The following DPY19L1 variants were observed in gnomAD, a reference collection of about 807,000 sequenced individuals.
DPY19L1 encodes the protein protein C-mannosyl-transferase DPY19L1.
Under a neutral mutation model 96.9 loss-of-function variants are expected in DPY19L1, and 35 were observed. The ratio of observed to expected loss-of-function variants is 0.36; its 90% CI spans 0.28 to 0.48. The LOEUF is 0.48. Among genes scored for constraint, DPY19L1 ranks in the 20% least tolerant of loss-of-function variants. The probability of loss-of-function intolerance (pLI) is 0.99; values close to 1 mark genes in which losing one functional copy is unlikely to be tolerated. For missense variants in DPY19L1, 521 were observed against 777.9 expected, an observed-to-expected ratio of 0.67 and a Z score of 3.93; for synonymous variants, 205 against 252.6, an observed-to-expected ratio of 0.81 and a Z score of 1.79.
intron 3 of DPY19L1, among the ~76,000 whole-genome samples, chr7:35,014,761 T>C (rs541535804): frequency 6.6e-6 from 1 of 152,336 alleles, no homozygotes; most frequent in South Asian, 2.1e-4. Flanking sequence ...GGAAATGGGA[T>C]TCTTGCAGAC....
intron 3 of DPY19L1, among the ~76,000 whole-genome samples, chr7:35,014,134 T>C (rs920595381): frequency 6.6e-6 from 1 of 152,182 alleles, no homozygotes; most frequent in Non-Finnish European, 1.5e-5. Context: ...AAAATGACAC[T>C]ATCAGTCATT....
At chr7:34,984,068 G>T (rs1039166306) in intron 7 of DPY19L1, among the ~76,000 whole-genome samples, 1 of 152,182 alleles carries the variant, frequency 6.6e-6, no homozygotes, top group African/African-American at 2.4e-5. Context: ...GAAAGGGAAA[G>T]CTATCAACCT....
At chr7:34,976,332 A>C (rs1784829346) in intron 7 of DPY19L1, among the ~76,000 whole-genome samples, 1 of 152,198 alleles carries the variant, frequency 6.6e-6, no homozygotes, top group Admixed American at 6.5e-5. Context: ...TGGCAAGATA[A>C]CTAGAAATGG....
chr7:34,956,266 C>T (rs183310913), intron 11 of DPY19L1, among the ~76,000 whole-genome samples: 1 of 152,242 alleles, frequency 6.6e-6, no homozygotes, highest in Non-Finnish European at 1.5e-5. Context: ...GATAGCAGTA[C>T]ATGAGAAAAT....
chr7:34,937,879 T>C, intron 21 of DPY19L1, 115 bp downstream of exon 21: 1 of 1,110,552 alleles, frequency 9.0e-7, no homozygotes, highest in Non-Finnish European at 1.3e-6. Context: ...AAGAAGTTTT[T>C]CCATGTATAC....
chr7:35,028,076 G>A (rs1457404780), intron 1 of DPY19L1, among the ~76,000 whole-genome samples: 3 of 152,138 alleles, frequency 2.0e-5, no homozygotes, highest in African/African-American at 7.2e-5. Flanking sequence ...GCAGTTTAGA[G>A]AGCCCTTTCA....
At chr7:34,993,140 A>T (rs1188185062) in intron 6 of DPY19L1, among the ~76,000 whole-genome samples, 2 of 152,198 alleles carry the variant, frequency 1.3e-5, no homozygotes, top group African/African-American at 4.8e-5. Context: ...AAGAATTTTT[A>T]AACTTTTATG....
At chr7:34,938,258 C>T in intron 20 of DPY19L1, 139 bp from the exon 21 acceptor site, 1 of 957,686 alleles carries the variant, frequency 1.0e-6, no homozygotes, top group Non-Finnish European at 1.5e-6. Context: ...GAAGTTCCCG[C>T]TAAGGGGCAT....
chr7:34,937,220 A>G (rs2557769), intron 21 of DPY19L1, among the ~76,000 whole-genome samples: 42,635 of 152,064 alleles, frequency 0.28, 6,173 homozygotes, highest in Non-Finnish European at 0.33. Flanking sequence ...AAAACTATAA[A>G]CCCAAGAGAA....
At chr7:34,983,009 A>T (rs1169134977) in intron 7 of DPY19L1, among the ~76,000 whole-genome samples, 1 of 152,236 alleles carries the variant, frequency 6.6e-6, no homozygotes, top group Non-Finnish European at 1.5e-5. Context: ...AAAGTTGGAG[A>T]CTGAGACAAA....
intron 7 of DPY19L1, among the ~76,000 whole-genome samples, chr7:34,985,769 T>C (rs1220371680): frequency 3.3e-5 from 5 of 151,948 alleles, no homozygotes; most frequent in Non-Finnish European, 7.4e-5. Flanking sequence ...GTAAGTTTCC[T>C]CAAAAACACT....
intron 13 of DPY19L1, among the ~76,000 whole-genome samples, chr7:34,954,079 A>C (rs1156278371): frequency 6.6e-6 from 1 of 152,210 alleles, no homozygotes; most frequent in Non-Finnish European, 1.5e-5. Flanking sequence ...CTGCTTTTTT[A>C]AATTAAATCT....
At chr7:35,015,481 T>C (rs1009652883) in intron 3 of DPY19L1, among the ~76,000 whole-genome samples, 2 of 152,258 alleles carry the variant, frequency 1.3e-5, no homozygotes, top group East Asian at 3.9e-4. Flanking sequence ...TTAGTGCTCA[T>C]TATAATACAT....
At chr7:35,032,425 T>A (rs769055682) in intron 1 of DPY19L1, among the ~76,000 whole-genome samples, 1 of 152,160 alleles carries the variant, frequency 6.6e-6, no homozygotes, top group Non-Finnish European at 1.5e-5. Flanking sequence ...AACAGTTAAA[T>A]GAGTTCATCT....
At chr7:34,973,471 A>C (rs1264194064) in intron 8 of DPY19L1, 43 bp downstream of exon 8, 1 of 1,289,460 alleles carries the variant, frequency 7.8e-7, no homozygotes, top group Non-Finnish European at 1.0e-6. Flanking sequence ...ATTTTAGTTA[A>C]AATTATTTAA....
intron 20 of DPY19L1, among the ~76,000 whole-genome samples, chr7:34,938,371 T>G (rs1382611546): frequency 6.6e-6 from 1 of 152,178 alleles, no homozygotes; most frequent in African/African-American, 2.4e-5. Context: ...TTGTGTTTGT[T>G]CACTTATTTA....
intron 6 of DPY19L1, among the ~76,000 whole-genome samples, chr7:35,007,434 ACT>A (rs1785587121): frequency 2.0e-5 from 3 of 152,220 alleles, no homozygotes; most frequent in African/African-American, 7.2e-5. Context: ...AGCTATAGCC[ACT>A]GACATTGGAA....
At chr7:35,015,554 G>A (rs1452208690) in intron 3 of DPY19L1, among the ~76,000 whole-genome samples, 8 of 152,160 alleles carry the variant, frequency 5.3e-5, no homozygotes, top group Admixed American at 4.6e-4. Context: ...AGCAACCTCT[G>A]GAAGTTACCC....
rs1430230685 is a variant in DPY19L1, at chr7:34,960,795, GGTCTT to G, written c.1093-2730_1093-2726del. Among the ~76,000 whole-genome samples the G allele has an allele frequency of 2.6e-5, 4 of 152,012 alleles. No homozygotes were observed. The East Asian group carries it at 7.7e-4, about 29-fold the overall frequency. ...TATCCGTCTATTTTTACTTGATTATGGTCTTAAACACCAAAAATAGATGTTGACTT... is the reference window on the plus strand; with the variant it reads ...TATCCGTCTATTTTTACTTGATTATGAAACACCAAAAATAGATGTTGACTT... On this transcript the variant is annotated intron_variant, in intron 10 of 21. Coordinates refer to ENST00000638088, the MANE Select transcript of DPY19L1 (RefSeq NM_001366673.1).
Sources: gnomAD v4.1 joint callset for allele counts (sites outside exome capture counted in the v4.1 genomes callset) on GRCh38, gnomAD v4.1.1 for gene constraint, MANE v1.5 for transcripts, NCBI Gene and HGNC (gene_info 2026-07-23, HGNC 2026-07-21) for gene names.